TMEM132B: variants seen among roughly 807,000 people sequenced by gnomAD.
TMEM132B encodes the protein transmembrane protein 132B.
Under a neutral mutation model 90.8 loss-of-function variants are expected in TMEM132B, and 18 were observed. That is an observed-to-expected ratio of 0.20 (90% CI 0.14 to 0.29). The LOEUF (loss-of-function observed/expected upper bound fraction) is 0.29. TMEM132B is among the 10% of genes least tolerant of loss of function. The probability of loss-of-function intolerance (pLI) is 1.00; values close to 1 mark genes in which losing one functional copy is unlikely to be tolerated. For missense variants in TMEM132B, 1,096 were observed against 1,326.8 expected (o/e 0.83, Z 2.70); for synonymous variants, 504 against 523.3 (o/e 0.96, Z 0.50).
At chr12:125,506,290 A>G (rs1003372642) in intron 3 of TMEM132B, among the ~76,000 whole-genome samples, 2 of 152,224 alleles carry the variant, frequency 1.3e-5, no homozygotes, top group African/African-American at 4.8e-5. Flanking sequence ...GTGTGATTCC[A>G]ATTTATATGA....
At chr12:125,429,341 A>C (rs2136394999) in intron 3 of TMEM132B, among the ~76,000 whole-genome samples, 1 of 150,620 alleles carries the variant, frequency 6.6e-6, no homozygotes, top group East Asian at 2.0e-4. Context: ...CTGGGACTAC[A>C]GGCATGCACC....
chr12:125,292,723 A>G (rs1205570471), intron 1 of TMEM132B, among the ~76,000 whole-genome samples: 1 of 152,218 alleles, frequency 6.6e-6, no homozygotes. Flanking sequence ...GTGACAATCC[A>G]AATTTATGTC....
intron 4 of TMEM132B, among the ~76,000 whole-genome samples, chr12:125,534,502 G>A (rs528054804): frequency 7.9e-5 from 12 of 152,244 alleles, no homozygotes; most frequent in Admixed American, 3.9e-4. Flanking sequence ...GGGTGACAAA[G>A]CAAGAACCTG....
intron 1 of TMEM132B, among the ~76,000 whole-genome samples, chr12:125,187,258 T>C (rs1957765716): frequency 6.6e-6 from 1 of 152,158 alleles, no homozygotes; most frequent in Admixed American, 6.5e-5. Context: ...ACGCAGCCCT[T>C]CTCCAGTGTC....
intron 4 of TMEM132B, among the ~76,000 whole-genome samples, chr12:125,566,840 T>C (rs1348757713): frequency 4.1e-4 from 14 of 33,774 alleles, no homozygotes; most frequent in East Asian, 1.1e-3. Context: ...TTCTTCTTTT[T>C]TTTTTTTTTT....
intron 2 of TMEM132B, among the ~76,000 whole-genome samples, chr12:125,379,662 A>G (rs1179652719): frequency 6.6e-6 from 1 of 152,232 alleles, no homozygotes; most frequent in Non-Finnish European, 1.5e-5. Flanking sequence ...GGAAAATAAT[A>G]GAGTCCCCTG....
At chr12:125,538,253 G>A (rs924686115) in intron 4 of TMEM132B, among the ~76,000 whole-genome samples, 1 of 152,214 alleles carries the variant, frequency 6.6e-6, no homozygotes, top group Non-Finnish European at 1.5e-5. Flanking sequence ...CAGCTAGGCA[G>A]GGCTGAACTG....
intron 3 of TMEM132B, among the ~76,000 whole-genome samples, chr12:125,514,398 C>A (rs1000750893): frequency 2.0e-5 from 3 of 152,164 alleles, no homozygotes; most frequent in Admixed American, 6.5e-5. Flanking sequence ...GTCCCCGTCT[C>A]CCATTGTATC....
chr12:125,357,758 T>G (rs1422321458), intron 2 of TMEM132B, among the ~76,000 whole-genome samples: 2 of 152,190 alleles, frequency 1.3e-5, no homozygotes, highest in Non-Finnish European at 2.9e-5. Context: ...ATGGGGATGT[T>G]TGTCTCCCTC....
chr12:125,661,255 C>T lies in TMEM132B; in HGVS notation c.*6545C>T, dbSNP rs1887199941. ...CAAAGAGCGTGCCTTTTTCCTCCATCATAACCGCTTTAGGATCTCTGTTTT... is the reference window on the plus strand; with the variant it reads ...CAAAGAGCGTGCCTTTTTCCTCCATTATAACCGCTTTAGGATCTCTGTTTT... On this transcript the variant is annotated 3_prime_UTR_variant, in exon 9 of 9. Coordinates refer to ENST00000682704, the MANE Select transcript of TMEM132B (RefSeq NM_001366854.1). 1.3e-5 allele frequency: 2 copies of T among 152,242 alleles called. No individual in the cohort carries two copies. Among genetic ancestry groups the T allele is most frequent in the African/African-American group, 2.4e-5 (1 of 41,450 alleles). The allele number at this position is 152,242 out of a possible 1,614,324, so 9.4% of individuals were successfully genotyped here.
intron 1 of TMEM132B, among the ~76,000 whole-genome samples, chr12:125,215,466 C>T (rs1873412331): frequency 6.6e-6 from 1 of 152,218 alleles, no homozygotes; most frequent in Admixed American, 6.5e-5. Context: ...AAGCCAGCAG[C>T]ATAGTATGTT....
In TMEM132B at chr12:125,350,293, C is replaced by A. The variant is rs747184819; in HGVS notation, c.909C>A (p.Thr303=). 6.2e-7 allele frequency: 1 copy of A among 1,613,754 alleles called. No homozygotes were observed. Residue 303 remains threonine (T), a synonymous_variant, in exon 2 of 9, where the codon ACC becomes ACA. Transcript: ENST00000682704. ...LNLVREGDTA[T]FLVSLTSSSV... Reference sequence around the variant, plus strand: ...TAGTCCGGGAAGGGGACACGGCCACCTTTTTGGTCTCTCTGACCAGTAGCT... The same window carrying A: ...TAGTCCGGGAAGGGGACACGGCCACATTTTTGGTCTCTCTGACCAGTAGCT...
At chr12:125,380,737 C>T (rs140722995) in intron 2 of TMEM132B, among the ~76,000 whole-genome samples, 11 of 152,344 alleles carry the variant, frequency 7.2e-5, no homozygotes, top group Middle Eastern at 3.4e-3. Context: ...AGATTGGAAG[C>T]AAGAGGAACG....
rs1241802222 is a variant in TMEM132B at position 125,349,024 on chromosome 12, C to A, written c.68-428C>A. ...TTGTACTTATAGAAGTGATAGAGAGCAGCATAAATATCAAAGTAATAAGGC... is the reference window on the plus strand; with the variant it reads ...TTGTACTTATAGAAGTGATAGAGAGAAGCATAAATATCAAAGTAATAAGGC... On this transcript the variant is annotated intron_variant, in intron 1 of 8. Transcript: ENST00000682704. This position sits in a 1 kb window ranked among gnomAD's most constrained non-coding sequence, Gnocchi z 4.1. Among the ~76,000 whole-genome samples, 1 of 152,144 alleles carries A rather than the reference C, an allele frequency of 6.6e-6. No homozygotes were observed. Among genetic ancestry groups the A allele is most frequent in the Non-Finnish European group, 1.5e-5 (1 of 68,028 alleles).
intron 1 of TMEM132B, among the ~76,000 whole-genome samples, chr12:125,212,185 C>T (rs549408747): frequency 9.9e-5 from 15 of 152,230 alleles, no homozygotes; most frequent in African/African-American, 3.1e-4. Context: ...TATCCCAGTG[C>T]GGAATTTCTC....
At chr12:125,572,679 A>G (rs1410595641) in intron 4 of TMEM132B, among the ~76,000 whole-genome samples, 2 of 152,326 alleles carry the variant, frequency 1.3e-5, no homozygotes, top group Non-Finnish European at 1.5e-5. Flanking sequence ...GCACTATGAA[A>G]ATGTCCTGTT....
chr12:125,258,608 A>G (rs1475526036), intron 1 of TMEM132B, among the ~76,000 whole-genome samples: 3 of 152,208 alleles, frequency 2.0e-5, no homozygotes, highest in African/African-American at 7.2e-5. Flanking sequence ...CATCACTTGT[A>G]TGGCACCCTG....
chr12:125,632,940 G>A (rs778720196), intron 5 of TMEM132B, among the ~76,000 whole-genome samples: 24 of 151,630 alleles, frequency 1.6e-4, no homozygotes, highest in Admixed American at 6.6e-5. Flanking sequence ...TTTTTTGTAG[G>A]TTTGAGAAGT....
At chr12:125,384,251 C>T (rs1878766207) in intron 2 of TMEM132B, among the ~76,000 whole-genome samples, 1 of 152,164 alleles carries the variant, frequency 6.6e-6, no homozygotes, top group Admixed American at 6.5e-5. Context: ...CTGAAACTCT[C>T]TGTATTTCTT....
Sources: gnomAD v4.1 joint callset for allele counts (sites outside exome capture counted in the v4.1 genomes callset) on GRCh38, gnomAD v4.1.1 for gene constraint, Gnocchi (gnomAD v3.1) non-coding constraint, MANE v1.5 for transcripts, NCBI Gene and HGNC (gene_info 2026-07-23, HGNC 2026-07-21) for gene names.